Variants in TCF7L2 observed in about 807,000 individuals in gnomAD.
TCF7L2 encodes transcription factor 7 like 2.
TCF7L2 carries 23 observed loss-of-function variants against 77.9 expected under a neutral mutation model. The observed-to-expected ratio is 0.30, with a 90% CI of 0.21 to 0.42. The LOEUF (loss-of-function observed/expected upper bound fraction) is 0.42. TCF7L2 is among the 10% of genes least tolerant of loss of function. TCF7L2 has a pLI of 1.00. For missense variants in TCF7L2, 654 were observed against 793.1 expected (o/e 0.82, Z 2.11); for synonymous variants, 413 against 340.2 (o/e 1.21, Z -2.36).
chr10:113,164,435 T>A (rs1056889868), intron 13 of TCF7L2, among the ~76,000 whole-genome samples: 1 of 152,108 alleles, frequency 6.6e-6, no homozygotes. Context: ...CCCTGGCACT[T>A]CTTCTTTGTA....
intron 5 of TCF7L2, among the ~76,000 whole-genome samples, chr10:113,064,762 A>G (rs1037953853): frequency 3.9e-5 from 6 of 152,248 alleles, no homozygotes; most frequent in African/African-American, 1.4e-4. Flanking sequence ...TTTTTCTCCA[A>G]ATAAGGCAAG....
chr10:113,079,237 C>A (rs1467904606), intron 5 of TCF7L2, among the ~76,000 whole-genome samples: 2 of 152,042 alleles, frequency 1.3e-5, no homozygotes, highest in Admixed American at 6.6e-5. Context: ...TTGTTTTTAC[C>A]TGTTGTAAAT....
chr10:113,127,830 G>T (rs1419041626), intron 5 of TCF7L2, among the ~76,000 whole-genome samples: 1 of 146,860 alleles, frequency 6.8e-6, no homozygotes, highest in African/African-American at 2.5e-5. Context: ...GGAAGAGGGG[G>T]TCTGTCTAGC....
At chr10:113,165,475 C>G in intron 13 of TCF7L2, 80 bp from the exon 15 acceptor site, 1 of 1,490,412 alleles carries the variant, frequency 6.7e-7, no homozygotes, top group African/African-American at 1.4e-5. Context: ...GTGACCTCAG[C>G]TTGGGTGTGA....
chr10:113,014,023 G>C (rs1590425197), intron 4 of TCF7L2, among the ~76,000 whole-genome samples: 1 of 152,160 alleles, frequency 6.6e-6, no homozygotes, highest in African/African-American at 2.4e-5. Context: ...GCCCCTAAAA[G>C]GGGTCCCTGC....
At chr10:113,091,585 C>T (rs191531208) in intron 5 of TCF7L2, among the ~76,000 whole-genome samples, 76 of 152,240 alleles carry the variant, frequency 5.0e-4, no homozygotes, top group African/African-American at 1.8e-3. Flanking sequence ...GGCGTGGTGG[C>T]GCGTGCCCGT....
chr10:113,132,704 C>G (rs967449073), intron 5 of TCF7L2, among the ~76,000 whole-genome samples: 4 of 152,224 alleles, frequency 2.6e-5, no homozygotes, highest in African/African-American at 9.6e-5. Context: ...CCCAAACATT[C>G]TCTGTGAACT....
intron 3 of TCF7L2, among the ~76,000 whole-genome samples, chr10:112,954,709 C>CT (rs1168194365): frequency 6.6e-6 from 1 of 152,176 alleles, no homozygotes; most frequent in Non-Finnish European, 1.5e-5. Flanking sequence ...TTTTACATTT[C>CT]TTTTTCCCTC....
At chr10:112,951,939 C>T (rs910049792) in intron 3 of TCF7L2, 1 of 152,106 alleles carries the variant, frequency 6.6e-6, no homozygotes, top group Admixed American at 6.5e-5. Flanking sequence ...GGTTCCCCCT[C>T]CCCCTTTGGT....
At chr10:113,163,600 G>T (rs1175222436) in intron 13 of TCF7L2, among the ~76,000 whole-genome samples, 2 of 152,060 alleles carry the variant, frequency 1.3e-5, no homozygotes, top group Non-Finnish European at 2.9e-5. Context: ...ACTCTGAGAG[G>T]CTTAATTATT....
intron 3 of TCF7L2, among the ~76,000 whole-genome samples, chr10:112,956,731 A>G (rs1009841670): frequency 2.6e-5 from 4 of 152,176 alleles, no homozygotes; most frequent in Admixed American, 1.3e-4. Flanking sequence ...TTTGCTGGCA[A>G]GCGCACCACC....
chr10:113,025,972 G>T (rs970844053), intron 4 of TCF7L2, among the ~76,000 whole-genome samples: 1 of 147,740 alleles, frequency 6.8e-6, no homozygotes, highest in Non-Finnish European at 1.5e-5. Flanking sequence ...TCTGCCTCCC[G>T]GGTTCAAGTG....
At chr10:112,964,814 G>GTGGTGGTGATGGTGGTGGTGGTGGTGC (rs1400096451) in intron 4 of TCF7L2, among the ~76,000 whole-genome samples, 190 bp downstream of exon 4, 3 of 116,110 alleles carry the variant, frequency 2.6e-5, no homozygotes, top group African/African-American at 9.5e-5. Flanking sequence ...GGTGGTGGTG[G>GTGGTGGTGATGGTGGTGGTGGTGGTGC]GGGGGGGTTG....
intron 5 of TCF7L2, among the ~76,000 whole-genome samples, chr10:113,127,961 T>G (rs959588591): frequency 6.6e-6 from 1 of 151,648 alleles, no homozygotes; most frequent in African/African-American, 2.4e-5. Flanking sequence ...TGCCGCACTT[T>G]ATAAGTTATT....
chr10:113,119,607 A>C (rs2064426539), intron 5 of TCF7L2, among the ~76,000 whole-genome samples: 1 of 152,040 alleles, frequency 6.6e-6, no homozygotes, highest in African/African-American at 2.4e-5. Flanking sequence ...AAAAATAATA[A>C]AGTTCTTGGC....
chr10:113,037,348 T>A (rs920188031), intron 4 of TCF7L2, among the ~76,000 whole-genome samples: 2 of 152,076 alleles, frequency 1.3e-5, no homozygotes, highest in Non-Finnish European at 2.9e-5. Context: ...CACTGTGGAG[T>A]CCCTGCAAGT....
At chr10:112,958,449 T>TG (rs1349799288) in intron 3 of TCF7L2, among the ~76,000 whole-genome samples, 1 of 152,010 alleles carries the variant, frequency 6.6e-6, no homozygotes, top group African/African-American at 2.4e-5. Context: ...GTCCCTCTCT[T>TG]GCAGTCTTCA....
chr10:113,065,199 C>T (rs2057088589), intron 5 of TCF7L2, among the ~76,000 whole-genome samples: 1 of 152,198 alleles, frequency 6.6e-6, no homozygotes, highest in African/African-American at 2.4e-5. Flanking sequence ...TTAGTGTGGC[C>T]TATGAGGATG....
At chr10:113,094,134 G>C (rs2060685824) in intron 5 of TCF7L2, among the ~76,000 whole-genome samples, 2 of 152,208 alleles carry the variant, frequency 1.3e-5, no homozygotes, top group Non-Finnish European at 2.9e-5. Context: ...CATTATTGCT[G>C]CTACTTGCTT....
Sources: allele counts gnomAD v4.1 joint callset (sites outside exome capture counted in the v4.1 genomes callset), GRCh38; gene constraint gnomAD v4.1.1; transcripts MANE v1.5; gene names NCBI Gene and HGNC (gene_info 2026-07-23, HGNC 2026-07-21).